Variants in MANBA observed in about 807,000 individuals in gnomAD.
The protein encoded by MANBA is mannosidase beta, also known as beta-mannosidase.
Under a neutral mutation model 111.1 loss-of-function variants are expected in MANBA, and 83 were observed. That is an observed-to-expected ratio of 0.75 (90% confidence interval 0.63 to 0.90). The LOEUF (loss-of-function observed/expected upper bound fraction) is 0.90. Ranked by LOEUF, MANBA falls within the 40% of genes least tolerant of loss-of-function variation. The pLI, the probability that MANBA is intolerant of heterozygous loss-of-function variation, is 0.00. For synonymous variants in MANBA, 370 were observed against 378.7 expected (o/e 0.98, Z 0.27); for missense variants, 1,036 against 1,069.0 (o/e 0.97, Z 0.43).
At position 102,698,897 on chromosome 4, in the gene MANBA, G is replaced by A. The variant is rs1025726649; in HGVS notation, c.674-8126C>T. ...AGTTTTTTCCAATTCTGTGAGGAAA[G>A]TCATTGGTAGCTTGATGGGGATGGC... On this transcript the variant is annotated intron_variant, in intron 5 of 16. Transcript: ENST00000647097. Among the ~76,000 whole-genome samples, 94 of 152,284 alleles carry A rather than the reference G, an allele frequency of 6.2e-4. 1 individual carries two copies. Among genetic ancestry groups the A allele is most frequent in the African/African-American group, 2.2e-3 (91 of 41,552 alleles).
chr4:102,658,005 GC>G, intron 11 of MANBA, 105 bp from the exon 12 acceptor site: 1 of 853,946 alleles, frequency 1.2e-6, no homozygotes, highest in Non-Finnish European at 1.9e-6. Flanking sequence ...ATGCCAAGTA[GC>G]TGATAGAAAA....
At chr4:102,729,988 C>A in intron 1 of MANBA, 1 of 893,702 alleles carries the variant, frequency 1.1e-6, no homozygotes, top group South Asian at 1.3e-5. Flanking sequence ...GTGGTGATGC[C>A]ACCCACGCTG....
At chr4:102,641,261 G>C (rs1343961205) in intron 13 of MANBA, among the ~76,000 whole-genome samples, 6 of 152,178 alleles carry the variant, frequency 3.9e-5, no homozygotes, top group Non-Finnish European at 7.4e-5. Context: ...GGCCAAGAAG[G>C]CCTGAGCACA....
intron 13 of MANBA, among the ~76,000 whole-genome samples, chr4:102,642,345 T>C (rs1056926129): frequency 7.2e-5 from 11 of 152,184 alleles, no homozygotes; most frequent in Non-Finnish European, 1.3e-4. Flanking sequence ...CGATAGCTCA[T>C]GCCTGTAATC....
chr4:102,733,131 T>C (rs529909055), intron 1 of MANBA, among the ~76,000 whole-genome samples: 58 of 152,214 alleles, frequency 3.8e-4, no homozygotes, highest in Non-Finnish European at 5.9e-4. Flanking sequence ...ATTTCAACTA[T>C]ATGTCATTCT....
At chr4:102,639,888 T>C (rs766155785) in intron 13 of MANBA, 31 bp from the exon 14 acceptor site, 2 of 1,613,082 alleles carry the variant, frequency 1.2e-6, no homozygotes, top group Non-Finnish European at 1.7e-6. Flanking sequence ...TACACAGGTG[T>C]TATTGTTTGA....
chr4:102,650,429 G>T, intron 13 of MANBA, 108 bp downstream of exon 13: 1 of 1,117,004 alleles, frequency 9.0e-7, no homozygotes, highest in Non-Finnish European at 1.3e-6. Flanking sequence ...TCCTTAACCA[G>T]TGGAATGAAA....
intron 13 of MANBA, among the ~76,000 whole-genome samples, chr4:102,645,514 G>GT (rs921098016): frequency 4.0e-5 from 6 of 151,800 alleles, no homozygotes; most frequent in African/African-American, 1.5e-4. Context: ...TTACGGGAAG[G>GT]TTTTTTTGTT....
At chr4:102,696,868 A>C (rs1011506786) in intron 5 of MANBA, among the ~76,000 whole-genome samples, 1 of 152,224 alleles carries the variant, frequency 6.6e-6, no homozygotes, top group Non-Finnish European at 1.5e-5. Flanking sequence ...GGAATTTATA[A>C]ATTCAAACAT....
At chr4:102,677,695 T>C (rs1274593941) in intron 7 of MANBA, among the ~76,000 whole-genome samples, 1 of 152,204 alleles carries the variant, frequency 6.6e-6, no homozygotes, top group Non-Finnish European at 1.5e-5. Flanking sequence ...ATTTCCTTAA[T>C]CTGTTTCAAC....
chr4:102,669,719 G>T (rs1342725611), intron 9 of MANBA, among the ~76,000 whole-genome samples: 1 of 152,178 alleles, frequency 6.6e-6, no homozygotes, highest in Non-Finnish European at 1.5e-5. Flanking sequence ...GGTGGCTCAC[G>T]CCTGTAATCC....
intron 5 of MANBA, among the ~76,000 whole-genome samples, chr4:102,709,658 C>T (rs1013896696): frequency 3.9e-5 from 6 of 151,990 alleles, no homozygotes; most frequent in South Asian, 2.1e-4. Context: ...GTCAGCATCA[C>T]GCTCATATCA....
chr4:102,642,966 T>C (rs779842393), intron 13 of MANBA, among the ~76,000 whole-genome samples: 1 of 152,342 alleles, frequency 6.6e-6, no homozygotes, highest in South Asian at 2.1e-4. Context: ...AAGATATAAT[T>C]CACATACCAT....
chr4:102,749,674 G>A (rs2110210433), intron 1 of MANBA, among the ~76,000 whole-genome samples: 1 of 152,286 alleles, frequency 6.6e-6, no homozygotes, highest in Admixed American at 6.5e-5. Context: ...ACTTTGCTGA[G>A]CCTCAGTCAC....
rs533227111 is a variant in MANBA at position 102,690,444 on chromosome 4, A to T, written c.849+152T>A. The T allele has an allele frequency of 4.6e-5, 28 of 615,318 alleles. No individual in the cohort carries two copies. In the South Asian group the frequency reaches 5.1e-4, roughly 11 times the overall value. 38.1% of individuals were successfully genotyped at this position (615,318 alleles called of 1,614,324 possible). A position where few individuals can be genotyped will look rare whatever the true frequency, so the allele number is the denominator to read the frequency against. ...TCATTCTTTAGCTCATACTCACAGA[A>T]AATATATGAGAGACTAAAATAGAGA... On this transcript the variant is annotated intron_variant, in intron 6 of 16. Coordinates refer to ENST00000647097, the MANE Select transcript of MANBA (RefSeq NM_005908.4).
chr4:102,656,380 C>CT (rs1730558650), intron 12 of MANBA, among the ~76,000 whole-genome samples: 1 of 151,980 alleles, frequency 6.6e-6, no homozygotes, highest in Non-Finnish European at 1.5e-5. Context: ...TGCAAATTTC[C>CT]TGTAAATGTA....
chr4:102,668,884 A>G (rs897723741), intron 10 of MANBA, 79 bp downstream of exon 10: 1 of 1,251,832 alleles, frequency 8.0e-7, no homozygotes, highest in African/African-American at 1.5e-5. Flanking sequence ...ACAAAAACCA[A>G]AATGAAGCAA....
chr4:102,656,304 A>G (rs755818382), intron 12 of MANBA, among the ~76,000 whole-genome samples: 1 of 152,140 alleles, frequency 6.6e-6, no homozygotes, highest in Non-Finnish European at 1.5e-5. Flanking sequence ...TTCTCAAAGG[A>G]AGATATACAA....
At chr4:102,637,638 G>A (rs6834507) in intron 14 of MANBA, among the ~76,000 whole-genome samples, 1 of 152,232 alleles carries the variant, frequency 6.6e-6, no homozygotes, top group African/African-American at 2.4e-5. Flanking sequence ...GACAGAAAGA[G>A]GAACAAGTAT....
Sources: allele counts gnomAD v4.1 joint callset (sites outside exome capture counted in the v4.1 genomes callset), GRCh38; gene constraint gnomAD v4.1.1; transcripts MANE v1.5; gene names NCBI Gene and HGNC (gene_info 2026-07-23, HGNC 2026-07-21).